Variants in RAB20 observed in about 807,000 individuals in gnomAD.
RAB20 encodes RAB20, member RAS oncogene family.
In RAB20, 2 loss-of-function variants were observed where a neutral mutation model predicts 3.7. The observed-to-expected ratio is 0.54, with a 90% CI of 0.22 to 1.69. The LOEUF (loss-of-function observed/expected upper bound fraction) is 1.69, where lower values mean the gene tolerates loss of function less well. Ranked by LOEUF, RAB20 falls within the 40% of genes most tolerant of loss-of-function variation. The pLI is 0.19. For missense variants in RAB20, 276 were observed against 311.9 expected, an observed-to-expected ratio of 0.88 and a Z score of 0.87; for synonymous variants, 126 against 130.8, an observed-to-expected ratio of 0.96 and a Z score of 0.25.
In RAB20 at chr13:110,523,618, G is replaced by A; in HGVS notation, c.*47C>T. ...TTTCAGATCACAGCTTGCCTGGTCA[G>A]ACCCCTTCCCAACATGCACAGTCTG... On this transcript the variant is annotated 3_prime_UTR_variant, in exon 2 of 2. Transcript: ENST00000267328. The A allele has an allele frequency of 6.3e-7, 1 of 1,591,518 alleles. No homozygotes were observed. The highest frequency in any genetic ancestry group is 8.6e-7 in the Non-Finnish European group (1 of 1,166,198).
At position 110,523,375 on chromosome 13, in the gene RAB20, A is replaced by C; in HGVS notation, c.*290T>G. The C allele has an allele frequency of 1.8e-6, 1 of 557,844 alleles. No individual in the cohort carries two copies. The highest frequency in any genetic ancestry group is 3.0e-6 in the Non-Finnish European group (1 of 333,066). 34.6% of individuals were successfully genotyped at this position (557,844 alleles called of 1,614,324 possible). On this transcript the variant is annotated 3_prime_UTR_variant, in exon 2 of 2. Transcript: ENST00000267328. ...GGGGGCCGTTGGTGGCTGGCTGCAAAGGACCAGTGCCAGGCAGCGGGGCAG... is the reference window on the plus strand; with the variant it reads ...GGGGGCCGTTGGTGGCTGGCTGCAACGGACCAGTGCCAGGCAGCGGGGCAG...
chr13:110,535,356 G>A (rs111503856), intron 1 of RAB20, among the ~76,000 whole-genome samples: 2,766 of 152,250 alleles, frequency 0.018, 47 homozygotes, highest in Middle Eastern at 0.041. Flanking sequence ...TACAGTTCCT[G>A]GACCACAGCA....
chr13:110,542,201 G>T (rs1208321389), intron 1 of RAB20, among the ~76,000 whole-genome samples: 2 of 152,122 alleles, frequency 1.3e-5, no homozygotes, highest in African/African-American at 4.8e-5. Context: ...GGGTATAAAT[G>T]ACAAGCAAAA....
intron 1 of RAB20, among the ~76,000 whole-genome samples, chr13:110,526,149 C>T (rs74764001): frequency 0.02 from 3,029 of 152,014 alleles, 94 homozygotes; most frequent in African/African-American, 0.069. Flanking sequence ...TGTGGCCTCC[C>T]GGGCCATGCC....
chr13:110,541,673 T>C (rs1443403773), intron 1 of RAB20, among the ~76,000 whole-genome samples: 1 of 152,184 alleles, frequency 6.6e-6, no homozygotes, highest in East Asian at 1.9e-4. Flanking sequence ...GCCAGAGCCC[T>C]TCGCCTGCCT....
At chr13:110,540,941 C>T (rs999789828) in intron 1 of RAB20, among the ~76,000 whole-genome samples, 1 of 152,148 alleles carries the variant, frequency 6.6e-6, no homozygotes, top group African/African-American at 2.4e-5. Context: ...CAGCAAGCCC[C>T]GCGCAGCTGC....
chr13:110,530,001 A>G (rs1300170961), intron 1 of RAB20, among the ~76,000 whole-genome samples: 5 of 152,210 alleles, frequency 3.3e-5, no homozygotes, highest in African/African-American at 1.2e-4. Context: ...GATCAGCCAC[A>G]CTGTTGGACA....
chr13:110,536,230 T>C (rs422183), intron 1 of RAB20, among the ~76,000 whole-genome samples: 142,939 of 152,232 alleles, frequency 0.94, 67,175 homozygotes, highest in African/African-American at 0.97. Context: ...TGGAGCCTCC[T>C]GAGGTGCACG....
chr13:110,532,554 A>G (rs531063845), intron 1 of RAB20, among the ~76,000 whole-genome samples: 106 of 151,982 alleles, frequency 7.0e-4, no homozygotes, highest in African/African-American at 2.4e-3. Context: ...TTTTTGTACT[A>G]TTAGTAGGGA....
At chr13:110,536,759 C>G (rs1333796184) in intron 1 of RAB20, among the ~76,000 whole-genome samples, 2 of 71,380 alleles carry the variant, frequency 2.8e-5, no homozygotes, top group African/African-American at 1.0e-4. Flanking sequence ...GTTTATTTTA[C>G]TTGTACTTTT....
In RAB20 at chr13:110,523,782, G is replaced by A; in HGVS notation, c.588C>T (p.Thr196=). 6.2e-7 allele frequency: 1 copy of A among 1,614,166 alleles called. No individual in the cohort carries two copies. Among genetic ancestry groups the A allele is most frequent in the Non-Finnish European group, 8.5e-7 (1 of 1,180,026 alleles). The change falls in exon 2 of 2, where the codon ACC becomes ACT. Residue 196 remains threonine (T), a synonymous_variant. Transcript: ENST00000267328. ...TGYNVDLLFE[T]LFDLVVPMIL... is the part of the protein sequence containing the mutation. ...TCATTGGCACCACCAGGTCAAAGAG[G>A]GTCTCAAACAGGAGGTCCACATTGT...
chr13:110,535,824 T>TG (rs1254135183), intron 1 of RAB20, among the ~76,000 whole-genome samples: 1 of 152,176 alleles, frequency 6.6e-6, no homozygotes, highest in Non-Finnish European at 1.5e-5. Flanking sequence ...AACACAGAAA[T>TG]GGATTTCATT....
intron 1 of RAB20, among the ~76,000 whole-genome samples, chr13:110,557,353 G>A: frequency 6.6e-6 from 1 of 152,222 alleles, no homozygotes; most frequent in East Asian, 1.9e-4. Flanking sequence ...GATAGGATGA[G>A]GGAAGAATTG....
chr13:110,538,257 G>A (rs867768120), intron 1 of RAB20, among the ~76,000 whole-genome samples: 50 of 132,256 alleles, frequency 3.8e-4, no homozygotes, highest in African/African-American at 1.3e-3. Flanking sequence ...AAAAAAAAAA[G>A]AAAGAAAGAA....
chr13:110,540,873 AG>A (rs1460438236), intron 1 of RAB20, among the ~76,000 whole-genome samples: 1 of 152,204 alleles, frequency 6.6e-6, no homozygotes, highest in Non-Finnish European at 1.5e-5. Flanking sequence ...GAAGGCGAGG[AG>A]CTGGAAGAGC....
At chr13:110,559,581 A>G (rs1482991794) in intron 1 of RAB20, among the ~76,000 whole-genome samples, 1 of 152,142 alleles carries the variant, frequency 6.6e-6, no homozygotes, top group Non-Finnish European at 1.5e-5. Context: ...GAATGTGGAG[A>G]AGGGGCCTGG....
Position 110,561,664 on chromosome 13 carries a change from C to T in RAB20, c.-145G>A. 1 of 1,345,314 alleles carries T rather than the reference C, an allele frequency of 7.4e-7. No individual in the cohort carries two copies. Among genetic ancestry groups the T allele is most frequent in the Non-Finnish European group, 9.7e-7 (1 of 1,034,710 alleles). The allele number at this position is 1,345,314 out of a possible 1,614,324, so 83.3% of individuals were successfully genotyped here. ...GCTCCGGGACCTTCGCCTCCGGACGCCCGGGAGCTCAAGAGAGGAAGCGCG... is the reference window on the plus strand; with the variant it reads ...GCTCCGGGACCTTCGCCTCCGGACGTCCGGGAGCTCAAGAGAGGAAGCGCG... On this transcript the variant is annotated 5_prime_UTR_variant, in exon 1 of 2. Coordinates refer to ENST00000267328, the MANE Select transcript of RAB20 (RefSeq NM_017817.3).
intron 1 of RAB20, among the ~76,000 whole-genome samples, chr13:110,539,956 G>A (rs188899132): frequency 3.3e-4 from 50 of 152,264 alleles, no homozygotes; most frequent in Non-Finnish European, 4.9e-4. Context: ...AGTGTCATAC[G>A]CCACATGAAC....
At chr13:110,538,572 C>CT (rs1048918846) in intron 1 of RAB20, among the ~76,000 whole-genome samples, 1 of 131,806 alleles carries the variant, frequency 7.6e-6, no homozygotes, top group Non-Finnish European at 1.6e-5. Context: ...CACCACTGCA[C>CT]TCCAGCCTGG....
Sources: gnomAD v4.1 joint callset for allele counts (sites outside exome capture counted in the v4.1 genomes callset) on GRCh38, gnomAD v4.1.1 for gene constraint, MANE v1.5 for transcripts, NCBI Gene and HGNC (gene_info 2026-07-23, HGNC 2026-07-21) for gene names.